Variants in DLG2 observed in about 807,000 individuals in gnomAD.
DLG2 encodes the protein discs large MAGUK scaffold protein 2.
A neutral mutation model predicts 132.5 loss-of-function variants in DLG2; 45 were observed. The observed-to-expected ratio is 0.34, with a 90% confidence interval of 0.27 to 0.44. The LOEUF (loss-of-function observed/expected upper bound fraction) is 0.44. DLG2 is among the 20% of genes least tolerant of loss of function. The pLI is 1.00. For synonymous variants in DLG2, 424 were observed against 419.6 expected, an observed-to-expected ratio of 1.01 and a Z score of -0.13; for missense variants, 1,045 against 1,196.9, an observed-to-expected ratio of 0.87 and a Z score of 1.87.
intron 9 of DLG2, among the ~76,000 whole-genome samples, chr11:84,143,747 TGC>T (rs2094953118): frequency 6.6e-6 from 1 of 152,194 alleles, no homozygotes; most frequent in Non-Finnish European, 1.5e-5. Flanking sequence ...TACTTCTCTG[TGC>T]GTTTTTCCTT....
intron 17 of DLG2, among the ~76,000 whole-genome samples, chr11:83,803,665 C>T (rs924012692): frequency 5.9e-5 from 9 of 152,146 alleles, no homozygotes; most frequent in Non-Finnish European, 1.5e-5. Flanking sequence ...GTTTAGTTTA[C>T]ATAAACTAAT....
intron 8 of DLG2, among the ~76,000 whole-genome samples, chr11:84,243,370 T>A (rs2097260787): frequency 6.7e-6 from 1 of 150,096 alleles, no homozygotes; most frequent in Non-Finnish European, 1.5e-5. Flanking sequence ...AACATAGTAG[T>A]TGTTCATAGT....
intron 6 of DLG2, chr11:84,923,256 C>T: frequency 6.6e-7 from 1 of 1,510,832 alleles, no homozygotes; most frequent in South Asian, 1.3e-5. Flanking sequence ...TCTCTGTTTT[C>T]TCTGACTACA....
chr11:84,728,637 A>G (rs1373551092), intron 6 of DLG2, among the ~76,000 whole-genome samples: 3 of 151,888 alleles, frequency 2.0e-5, no homozygotes, highest in East Asian at 1.9e-4. Flanking sequence ...CTCTTTTTCT[A>G]TTGTTTGGAA....
chr11:85,039,911 T>G (rs960189117), intron 6 of DLG2, among the ~76,000 whole-genome samples: 1 of 151,892 alleles, frequency 6.6e-6, no homozygotes, highest in African/African-American at 2.4e-5. Flanking sequence ...ACATTGGCAG[T>G]CCTTAGTAAT....
chr11:83,669,193 C>T (rs942656448), intron 18 of DLG2, among the ~76,000 whole-genome samples: 17 of 152,058 alleles, frequency 1.1e-4, no homozygotes, highest in African/African-American at 3.6e-4. Context: ...GGTCCCTCTC[C>T]TCATGAACCC....
At chr11:85,509,530 T>C (rs2094009739) in intron 3 of DLG2, among the ~76,000 whole-genome samples, 1 of 152,076 alleles carries the variant, frequency 6.6e-6, no homozygotes, top group African/African-American at 2.4e-5. Flanking sequence ...GGACAGGATA[T>C]GTATAGCCTT....
chr11:85,042,953 G>T (rs2062002024), intron 6 of DLG2, among the ~76,000 whole-genome samples: 1 of 151,606 alleles, frequency 6.6e-6, no homozygotes, highest in African/African-American at 2.4e-5. Context: ...CATTTTTTCT[G>T]GTTTTCATAT....
At chr11:83,604,934 G>C (rs768275498) in intron 19 of DLG2, among the ~76,000 whole-genome samples, 7 of 151,926 alleles carry the variant, frequency 4.6e-5, no homozygotes, top group Non-Finnish European at 1.0e-4. Flanking sequence ...CAACAGGCCA[G>C]AGCAAATCAG....
intron 7 of DLG2, among the ~76,000 whole-genome samples, chr11:84,513,328 A>C (rs1166057946): frequency 6.6e-6 from 1 of 152,068 alleles, no homozygotes; most frequent in Non-Finnish European, 1.5e-5. Context: ...AAATAGAAAA[A>C]AGACAATCCT....
At chr11:84,922,109 T>G (rs1010269006) in intron 6 of DLG2, among the ~76,000 whole-genome samples, 3 of 151,526 alleles carry the variant, frequency 2.0e-5, no homozygotes, top group Non-Finnish European at 2.9e-5. Context: ...AATGAAACTT[T>G]AGTACCCAGA....
At chr11:85,012,507 A>T (rs1367808058) in intron 6 of DLG2, among the ~76,000 whole-genome samples, 2 of 152,054 alleles carry the variant, frequency 1.3e-5, no homozygotes, top group African/African-American at 2.4e-5. Flanking sequence ...CTAGGCAATA[A>T]GAGCAAAACT....
At chr11:85,431,180 C>T (rs919726829) in intron 3 of DLG2, among the ~76,000 whole-genome samples, 8 of 152,112 alleles carry the variant, frequency 5.3e-5, no homozygotes, top group Non-Finnish European at 4.4e-5. Flanking sequence ...TGTTTCAAAA[C>T]GGCATGTGAA....
intron 7 of DLG2, among the ~76,000 whole-genome samples, chr11:84,443,088 A>G (rs1180555155): frequency 2.6e-5 from 4 of 152,232 alleles, no homozygotes; most frequent in Non-Finnish European, 5.9e-5. Context: ...CTCTAATTAT[A>G]AATGAACAAA....
chr11:85,419,254 A>G (rs572812188), intron 3 of DLG2, among the ~76,000 whole-genome samples: 24 of 152,052 alleles, frequency 1.6e-4, no homozygotes, highest in Middle Eastern at 6.8e-3. Context: ...ATTGGCACCC[A>G]CTCTCTTCTG....
At chr11:84,959,002 G>A (rs1405163222) in intron 6 of DLG2, among the ~76,000 whole-genome samples, 1 of 152,136 alleles carries the variant, frequency 6.6e-6, no homozygotes, top group Non-Finnish European at 1.5e-5. Flanking sequence ...TGGGTCCTTT[G>A]GACAGCGCTA....
chr11:84,662,189 CTT>C (rs1191006822), intron 6 of DLG2, among the ~76,000 whole-genome samples: 398 of 120,660 alleles, frequency 3.3e-3, no homozygotes, highest in African/African-American at 0.01. Flanking sequence ...CTTTGTAAAT[CTT>C]TTTTTTTTTT....
At chr11:85,021,099 T>C (rs1239977240) in intron 6 of DLG2, 3 of 779,242 alleles carry the variant, frequency 3.8e-6, no homozygotes, top group African/African-American at 1.7e-5. Flanking sequence ...CAACTCCTTC[T>C]TAATTGCCTG....
intron 7 of DLG2, among the ~76,000 whole-genome samples, chr11:84,373,265 C>CAAAAAAAAAAAAAAAAAAAAAAAAAAAA (rs59038372): frequency 1.1e-4 from 11 of 98,084 alleles, no homozygotes; most frequent in Non-Finnish European, 1.8e-4. Flanking sequence ...AAAAAAAAAA[C>CAAAAAAAAAAAAAAAAAAAAAAAAAAAA]AAAACAAAAA....
Sources: allele counts gnomAD v4.1 joint callset (sites outside exome capture counted in the v4.1 genomes callset), GRCh38; gene constraint gnomAD v4.1.1; transcripts MANE v1.5; gene names NCBI Gene and HGNC (gene_info 2026-07-23, HGNC 2026-07-21).